Variants in CPNE8 observed in about 807,000 individuals in gnomAD.
The protein encoded by CPNE8 is copine-8.
A neutral mutation model predicts 81.5 loss-of-function variants in CPNE8; 45 were observed. The observed-to-expected ratio is 0.55, with a 90% CI of 0.44 to 0.71. The LOEUF is 0.71. Among genes scored for constraint, CPNE8 ranks in the 30% least tolerant of loss-of-function variants. The pLI is 0.00. For synonymous variants in CPNE8, 252 were observed against 226.3 expected, an observed-to-expected ratio of 1.11 and a Z score of -1.02; for missense variants, 594 against 672.1, an observed-to-expected ratio of 0.88 and a Z score of 1.28.
chr12:38,733,241 C>A lies in CPNE8; in HGVS notation c.723-2883G>T, dbSNP rs191568107. ...ACATGGATATTTTTATACTTTCTAA[C>A]CTTTGTAACCTGTCTGACTTCAAAT... On this transcript the variant is annotated intron_variant, in intron 10 of 19. Coordinates refer to ENST00000331366, the MANE Select transcript of CPNE8 (RefSeq NM_153634.3). Among the ~76,000 whole-genome samples the A allele has an allele frequency of 8.6e-5, 13 of 151,938 alleles. No homozygotes were observed. In the East Asian group the frequency reaches 2.5e-3, roughly 29 times the overall value.
At chr12:38,792,660 G>T (rs1461259624) in intron 6 of CPNE8, among the ~76,000 whole-genome samples, 1 of 151,578 alleles carries the variant, frequency 6.6e-6, no homozygotes, top group South Asian at 2.1e-4. Context: ...ATTTAAAACA[G>T]AATTAGCACC....
intron 1 of CPNE8, among the ~76,000 whole-genome samples, chr12:38,904,818 A>G (rs1224484797): frequency 6.6e-6 from 1 of 152,086 alleles, no homozygotes; most frequent in African/African-American, 2.4e-5. Context: ...TGGGCCCGAA[A>G]ACAAATCAAA....
At chr12:38,868,628 A>G (rs1943948901) in intron 3 of CPNE8, among the ~76,000 whole-genome samples, 1 of 152,180 alleles carries the variant, frequency 6.6e-6, no homozygotes, top group Non-Finnish European at 1.5e-5. Context: ...CTTTCAGGAT[A>G]CAGCTCTGAA....
rs12318843 is a variant in CPNE8 at position 38,838,692 on chromosome 12, C to T, written c.330+1224G>A. On this transcript the variant is annotated intron_variant, in intron 5 of 19. Transcript: ENST00000331366. ...CTTATGGAGAGCAATAAGCTTGTTG[C>T]AGCATTTTTTTCAACCTGTAAAGAG... Among the ~76,000 whole-genome samples the T allele has an allele frequency of 5.1e-3, 780 of 152,178 alleles. 7 individuals carry two copies. Among genetic ancestry groups the T allele is most frequent in the African/African-American group, 0.018 (750 of 41,534 alleles).
chr12:38,906,251 G>A (rs1244262336), upstream of CPNE8: 12 of 985,400 alleles, frequency 1.2e-5, no homozygotes, highest in African/African-American at 3.5e-5. Context: ...TTGAGAGTTG[G>A]GGACGGTGGG....
intron 7 of CPNE8, among the ~76,000 whole-genome samples, chr12:38,775,720 G>C (rs983254779): frequency 9.9e-5 from 15 of 152,162 alleles, no homozygotes; most frequent in African/African-American, 3.4e-4. Context: ...ACTCTCTGTA[G>C]TCATACTGCT....
At chr12:38,800,879 A>G (rs1410533692) in intron 6 of CPNE8, among the ~76,000 whole-genome samples, 1 of 58,696 alleles carries the variant, frequency 1.7e-5, no homozygotes. Flanking sequence ...TCAGGAGCCG[A>G]TGCGATCAAC....
chr12:38,710,777 G>C (rs893787699), intron 13 of CPNE8, among the ~76,000 whole-genome samples: 4 of 152,108 alleles, frequency 2.6e-5, no homozygotes, highest in African/African-American at 4.8e-5. Flanking sequence ...GGCAGTAGAG[G>C]GGTACACTGT....
At chr12:38,707,708 A>C (rs1940145838) in intron 13 of CPNE8, among the ~76,000 whole-genome samples, 1 of 152,190 alleles carries the variant, frequency 6.6e-6, no homozygotes, top group African/African-American at 2.4e-5. Context: ...CTCATTCTGC[A>C]TGTCAGGAAG....
chr12:38,905,055 C>T (rs916779102), intron 1 of CPNE8, among the ~76,000 whole-genome samples: 3 of 152,108 alleles, frequency 2.0e-5, no homozygotes, highest in Non-Finnish European at 4.4e-5. Context: ...CCTAAGCGTG[C>T]AGCGGTCACA....
chr12:38,853,602 TA>T, intron 3 of CPNE8, among the ~76,000 whole-genome samples: 1 of 152,120 alleles, frequency 6.6e-6, no homozygotes, highest in African/African-American at 2.4e-5. Context: ...TTAAATTTGT[TA>T]AAACCAGAAA....
At chr12:38,797,502 G>A (rs868213172) in intron 6 of CPNE8, among the ~76,000 whole-genome samples, 8 of 152,078 alleles carry the variant, frequency 5.3e-5, no homozygotes, top group Admixed American at 3.3e-4. Flanking sequence ...TCTGTTAGAA[G>A]GAAAACTAAC....
intron 10 of CPNE8, among the ~76,000 whole-genome samples, chr12:38,747,884 A>G (rs1210833307): frequency 2.6e-5 from 4 of 152,118 alleles, no homozygotes; most frequent in African/African-American, 9.7e-5. Flanking sequence ...ATATGTGAGT[A>G]ATTTACATTT....
intron 11 of CPNE8, among the ~76,000 whole-genome samples, chr12:38,727,360 A>G (rs1940727401): frequency 6.6e-6 from 1 of 152,200 alleles, no homozygotes; most frequent in South Asian, 2.1e-4. Context: ...AAAGTTCTTC[A>G]AAAAGTGTTT....
intron 6 of CPNE8, among the ~76,000 whole-genome samples, chr12:38,817,614 CTTTTTTTT>C (rs869168296): frequency 1.1e-5 from 1 of 90,608 alleles, no homozygotes; most frequent in African/African-American, 4.3e-5. Context: ...TTAATTTATT[CTTTTTTTT>C]TTTTTTTTTT....
At chr12:38,778,968 G>C (rs1276206831) in intron 6 of CPNE8, among the ~76,000 whole-genome samples, 1 of 152,038 alleles carries the variant, frequency 6.6e-6, no homozygotes, top group Non-Finnish European at 1.5e-5. Context: ...ACTCAATATA[G>C]CATGGCACAT....
chr12:38,782,078 T>C (rs968577229), intron 6 of CPNE8, among the ~76,000 whole-genome samples: 1 of 152,148 alleles, frequency 6.6e-6, no homozygotes, highest in Non-Finnish European at 1.5e-5. Context: ...TGTACCACTG[T>C]TGTCTTTCTA....
intron 10 of CPNE8, 105 bp downstream of exon 10, chr12:38,760,742 C>T: frequency 2.2e-6 from 2 of 903,266 alleles, no homozygotes; most frequent in Non-Finnish European, 3.5e-6. Flanking sequence ...AAAAACAAAA[C>T]AAATATGCCA....
chr12:38,779,846 C>T (rs909368928), intron 6 of CPNE8, among the ~76,000 whole-genome samples: 6 of 151,660 alleles, frequency 4.0e-5, no homozygotes, highest in African/African-American at 1.2e-4. Flanking sequence ...GAATAGTATA[C>T]AAAATATAAG....
Sources: allele counts gnomAD v4.1 joint callset (sites outside exome capture counted in the v4.1 genomes callset), GRCh38; gene constraint gnomAD v4.1.1; transcripts MANE v1.5; gene names NCBI Gene and HGNC (gene_info 2026-07-23, HGNC 2026-07-21).